The following PTPRE variants were observed in gnomAD, a reference collection of about 807,000 sequenced individuals.
PTPRE encodes protein tyrosine phosphatase receptor type E.
Under a neutral mutation model 102.0 loss-of-function variants are expected in PTPRE, and 51 were observed. The observed-to-expected ratio is 0.50, with a 90% confidence interval of 0.40 to 0.63. The LOEUF (loss-of-function observed/expected upper bound fraction) is 0.63. Ranked by LOEUF, PTPRE falls within the 30% of genes least tolerant of loss-of-function variation. PTPRE has a pLI of 0.00. For synonymous variants in PTPRE, 345 were observed against 348.2 expected (o/e 0.99, Z 0.10); for missense variants, 752 against 915.1 (o/e 0.82, Z 2.30).
intron 1 of PTPRE, among the ~76,000 whole-genome samples, chr10:127,958,820 T>C (rs1460518594): frequency 1.3e-5 from 2 of 152,124 alleles, no homozygotes; most frequent in Non-Finnish European, 2.9e-5. Flanking sequence ...CTGTGCCTGG[T>C]CCTTTCTGTT....
intron 2 of PTPRE, chr10:127,999,233 A>G (rs886303367): frequency 6.6e-6 from 1 of 152,174 alleles, no homozygotes; most frequent in Non-Finnish European, 1.5e-5. Context: ...TGTTACTACA[A>G]TTAAAAAGAA....
rs1846427382 is a variant in PTPRE at position 128,028,179 on chromosome 10, A to G, written c.-7-12696A>G. On this transcript the variant is annotated intron_variant, in intron 2 of 20. Coordinates refer to ENST00000254667, the MANE Select transcript of PTPRE (RefSeq NM_006504.6). This position sits in a 1 kb window ranked among gnomAD's most constrained non-coding sequence, Gnocchi z 4.5. ...ACATTATTCACAGAACTTTCTCCAAAGGAGGTTAGCCATGTTTGTCAGGCT... is the reference window on the plus strand; with the variant it reads ...ACATTATTCACAGAACTTTCTCCAAGGGAGGTTAGCCATGTTTGTCAGGCT... Among the ~76,000 whole-genome samples, 1 of 152,172 alleles carries G rather than the reference A, an allele frequency of 6.6e-6. No homozygotes were observed. Among genetic ancestry groups the G allele is most frequent in the Non-Finnish European group, 1.5e-5 (1 of 68,036 alleles).
intron 2 of PTPRE, among the ~76,000 whole-genome samples, chr10:128,001,743 A>G (rs1224571029): frequency 6.6e-6 from 1 of 152,260 alleles, no homozygotes; most frequent in South Asian, 2.1e-4. Context: ...GAGATAACGT[A>G]TGGGAAGGTT....
At chr10:128,063,314 A>G in intron 10 of PTPRE, 134 bp downstream of exon 10, 4 of 1,442,242 alleles carry the variant, frequency 2.8e-6, no homozygotes, top group Non-Finnish European at 3.7e-6. Flanking sequence ...ACCCAAACAC[A>G]TGCAGTGGCT....
At chr10:127,939,488 C>CTA (rs1402490724) in intron 1 of PTPRE, among the ~76,000 whole-genome samples, 2 of 152,184 alleles carry the variant, frequency 1.3e-5, no homozygotes, top group Non-Finnish European at 2.9e-5. Flanking sequence ...CAGGATTCTT[C>CTA]ACTGTCGTTA....
At chr10:128,077,581 G>A (rs1160951975) in intron 18 of PTPRE, 36 bp from the exon 19 acceptor site, 7 of 1,575,382 alleles carry the variant, frequency 4.4e-6, no homozygotes, top group Non-Finnish European at 6.1e-6. Context: ...TTCCCCGGCA[G>A]GCAGGCGACG....
chr10:128,063,010 G>A lies in PTPRE; in HGVS notation c.626-73G>A. On this transcript the variant is annotated intron_variant, in intron 9 of 20. Transcript: ENST00000254667. ...ACAGCTGTCCAGGGGCCAACGGCCAGGGTGCCGGGGCTGGGACCCCAAAGG... is the reference window on the plus strand; with the variant it reads ...ACAGCTGTCCAGGGGCCAACGGCCAAGGTGCCGGGGCTGGGACCCCAAAGG... 6.9e-6 allele frequency: 11 copies of A among 1,594,996 alleles called. No homozygotes were observed. The South Asian group carries it at 1.1e-4, about 16-fold the overall frequency.
In PTPRE at chr10:128,065,933, GAC is replaced by G. The variant is rs1262420959; in HGVS notation, c.724-137_724-136del. On this transcript the variant is annotated intron_variant, in intron 10 of 20. Coordinates refer to ENST00000254667, the MANE Select transcript of PTPRE (RefSeq NM_006504.6). The stretch of plus-strand genomic sequence containing the variant: ...CCTCAGTTTCCCCATTCAAGAGGTC[GAC>G]ACACGTGAACTTGTTTCTCAGCTGT... 7.3e-6 allele frequency: 9 copies of G among 1,235,842 alleles called. No homozygotes were observed. In the African/African-American group the frequency reaches 1.0e-4, roughly 14 times the overall value. 76.6% of individuals were successfully genotyped at this position (1,235,842 alleles called of 1,614,324 possible).
At position 128,061,004 on chromosome 10, in the gene PTPRE, T is replaced by C. The variant is rs1849540527; in HGVS notation, c.577T>C (p.Ser193Pro). The stretch of plus-strand genomic sequence containing the variant: ...TCCCTGTTCAGACTACATCAATGCT[T>C]CCTACATAGATGTAAGTGGGCAGAG... ...GIPCSDYINA[S>P]YIDGYKEKNK... Residue 193 changes from serine to proline, a missense_variant, in exon 8 of 21, where the codon TCC becomes CCC. Physicochemically the swap from Ser to Pro is moderately conservative, Grantham distance 74. Transcript: ENST00000254667. 1 of 1,613,908 alleles carries C rather than the reference T, an allele frequency of 6.2e-7. No individual in the cohort carries two copies. Among genetic ancestry groups the C allele is most frequent in the South Asian group, 1.1e-5 (1 of 91,086 alleles).
intron 1 of PTPRE, among the ~76,000 whole-genome samples, chr10:127,967,913 T>G (rs773035770): frequency 1.5e-4 from 23 of 152,218 alleles, no homozygotes; most frequent in Non-Finnish European, 3.1e-4. Context: ...CGAAGTATTT[T>G]TATGTTTATT....
chr10:128,022,842 C>T (rs545814596), intron 2 of PTPRE, among the ~76,000 whole-genome samples: 4 of 152,132 alleles, frequency 2.6e-5, no homozygotes, highest in Non-Finnish European at 5.9e-5. Context: ...AGATGACGGT[C>T]GATTGGAAAG....
intron 1 of PTPRE, among the ~76,000 whole-genome samples, chr10:127,918,241 ACC>A (rs1294319789): frequency 6.6e-6 from 1 of 151,808 alleles, no homozygotes; most frequent in African/African-American, 2.4e-5. Flanking sequence ...GGCTTGGAGC[ACC>A]CCCTTTAAAC....
Position 128,008,059 on chromosome 10 carries a change from A to G in PTPRE, c.-8+25763A>G, listed in dbSNP as rs529986065. On this transcript the variant is annotated intron_variant, in intron 2 of 20. Transcript: ENST00000254667. This position sits in a 1 kb window ranked among gnomAD's most constrained non-coding sequence, Gnocchi z 4.0. ...CTGGGGCTGGTAGTCAGCTTCCTCCAGGAAGAAGGCATCTCTCACCACTGG... is the reference window on the plus strand; with the variant it reads ...CTGGGGCTGGTAGTCAGCTTCCTCCGGGAAGAAGGCATCTCTCACCACTGG... Among the ~76,000 whole-genome samples, 1 of 152,260 alleles carries G rather than the reference A, an allele frequency of 6.6e-6. No homozygotes were observed. Among genetic ancestry groups the G allele is most frequent in the Admixed American group, 6.5e-5 (1 of 15,300 alleles).
In PTPRE at chr10:128,028,006, G is replaced by A. The variant is rs1467676710; in HGVS notation, c.-7-12869G>A. On this transcript the variant is annotated intron_variant, in intron 2 of 20. Coordinates refer to ENST00000254667, the MANE Select transcript of PTPRE (RefSeq NM_006504.6). The surrounding 1 kb of genome is among the most constrained non-coding windows in gnomAD (Gnocchi z 4.5). ...CGCCGAGGGTCTCCACCTCCCCAAG[G>A]CAGGACAGGCCATGGCAGAGGCTTC... Among the ~76,000 whole-genome samples, 2 of 152,230 alleles carry A rather than the reference G, an allele frequency of 1.3e-5. No individual in the cohort carries two copies. Among genetic ancestry groups the A allele is most frequent in the African/African-American group, 4.8e-5 (2 of 41,468 alleles).
intron 2 of PTPRE, among the ~76,000 whole-genome samples, chr10:128,031,050 G>T (rs1318024009): frequency 6.6e-6 from 1 of 152,192 alleles, no homozygotes; most frequent in Admixed American, 6.5e-5. Context: ...GGCAGTGTTG[G>T]TCTTGTTTAG....
chr10:127,976,720 G>A (rs1851209640), intron 1 of PTPRE, among the ~76,000 whole-genome samples: 1 of 152,190 alleles, frequency 6.6e-6, no homozygotes, highest in Non-Finnish European at 1.5e-5. Flanking sequence ...CTTCATGTCA[G>A]GGAGGGCTCC....
intron 1 of PTPRE, among the ~76,000 whole-genome samples, chr10:127,966,639 C>T (rs923160395): frequency 2.0e-5 from 3 of 152,016 alleles, no homozygotes; most frequent in African/African-American, 7.3e-5. Context: ...AGTTGGTCAC[C>T]CCACCCGCCA....
intron 10 of PTPRE, among the ~76,000 whole-genome samples, chr10:128,065,174 A>G (rs1015960126): frequency 6.6e-6 from 1 of 152,200 alleles, no homozygotes; most frequent in Non-Finnish European, 1.5e-5. Flanking sequence ...TCATAACACA[A>G]TGATGCTGCT....
intron 1 of PTPRE, among the ~76,000 whole-genome samples, chr10:127,940,467 G>C (rs571931759): frequency 1.1e-4 from 17 of 152,258 alleles, no homozygotes; most frequent in African/African-American, 4.1e-4. Flanking sequence ...TCTCATTCAA[G>C]TTGCCTTCCT....
Sources: allele counts gnomAD v4.1 joint callset (sites outside exome capture counted in the v4.1 genomes callset), GRCh38; gene constraint gnomAD v4.1.1; non-coding constraint Gnocchi (gnomAD v3.1); transcripts MANE v1.5; gene names NCBI Gene and HGNC (gene_info 2026-07-23, HGNC 2026-07-21).